AFAP1L1: variants seen among roughly 807,000 people sequenced by gnomAD.
AFAP1L1 encodes actin filament-associated protein 1-like 1.
In AFAP1L1, 77 loss-of-function variants were observed where a neutral mutation model predicts 99.8. The observed-to-expected ratio is 0.77, with a 90% CI of 0.64 to 0.93. The LOEUF (loss-of-function observed/expected upper bound fraction) is 0.93. Among genes scored for constraint, AFAP1L1 ranks in the 40% least tolerant of loss-of-function variants. The pLI is 0.00. For synonymous variants in AFAP1L1, 373 were observed against 395.3 expected, an observed-to-expected ratio of 0.94 and a Z score of 0.67; for missense variants, 893 against 996.8, an observed-to-expected ratio of 0.90 and a Z score of 1.40.
Position 149,302,496 on chromosome 5 carries a change from G to A in AFAP1L1, c.406G>A (p.Gly136Ser), listed in dbSNP as rs571245239. The A allele has an allele frequency of 3.7e-5, 59 of 1,589,966 alleles. No individual in the cohort carries two copies. The highest frequency in any genetic ancestry group is 3.3e-4 in the Middle Eastern group (2 of 6,032). The change falls in exon 5 of 19, where the codon GGC (glycine) becomes AGC (serine). Residue 136 changes from glycine to serine, a missense_variant. Coordinates refer to ENST00000296721, the MANE Select transcript of AFAP1L1 (RefSeq NM_152406.4). ...TGAAGAGGCCCTTCCTCTGGGACCC[G>A]GCAAGTCGCCTGAGTACATCAGCTC... ...YYEEALPLGP[G>S]KSPEYISSHN... is the part of the protein sequence containing the mutation.
chr5:149,286,092 T>G (rs1392692082), intron 1 of AFAP1L1, among the ~76,000 whole-genome samples: 2 of 152,148 alleles, frequency 1.3e-5, no homozygotes, highest in East Asian at 3.9e-4. Flanking sequence ...CCGGAGGAAG[T>G]GGCATCTAAA....
intron 1 of AFAP1L1, among the ~76,000 whole-genome samples, chr5:149,286,502 G>C (rs1755686964): frequency 6.6e-6 from 1 of 152,218 alleles, no homozygotes; most frequent in Non-Finnish European, 1.5e-5. Flanking sequence ...TGTGGCATCT[G>C]CTGATGATTT....
chr5:149,289,503 T>G (rs1755788664), intron 1 of AFAP1L1, among the ~76,000 whole-genome samples: 1 of 151,930 alleles, frequency 6.6e-6, no homozygotes, highest in South Asian at 2.1e-4. Flanking sequence ...GCATGTACAG[T>G]GGGCTTCCCT....
intron 1 of AFAP1L1, 28 bp downstream of exon 1, chr5:149,272,012 G>A (rs1303456387): frequency 8.9e-6 from 11 of 1,239,972 alleles, no homozygotes; most frequent in Non-Finnish European, 1.1e-5. Flanking sequence ...GCCCGCACTT[G>A]TTGCGGCGCC....
intron 1 of AFAP1L1, among the ~76,000 whole-genome samples, chr5:149,287,127 G>T (rs570010353): frequency 6.6e-6 from 1 of 152,230 alleles, no homozygotes; most frequent in East Asian, 1.9e-4. Context: ...GCATGTAACA[G>T]TCAAAATGAA....
intron 7 of AFAP1L1, among the ~76,000 whole-genome samples, chr5:149,308,882 G>GC (rs1388400651): frequency 5.3e-5 from 8 of 151,112 alleles, no homozygotes; most frequent in African/African-American, 1.9e-4. Context: ...ATCACTTGAA[G>GC]CTAGGAGTTC....
chr5:149,298,612 C>A (rs1417577609), intron 1 of AFAP1L1, among the ~76,000 whole-genome samples: 1 of 152,146 alleles, frequency 6.6e-6, no homozygotes, highest in Non-Finnish European at 1.5e-5. Context: ...TGTTATCATG[C>A]CTAAATGCTT....
chr5:149,285,234 A>C (rs2127590342), intron 1 of AFAP1L1, among the ~76,000 whole-genome samples: 1 of 152,268 alleles, frequency 6.6e-6, no homozygotes. Flanking sequence ...ACCTGGGCAG[A>C]TAGTCAGAGT....
chr5:149,333,425 T>C (rs190321089), intron 17 of AFAP1L1, among the ~76,000 whole-genome samples: 121 of 152,304 alleles, frequency 7.9e-4, no homozygotes, highest in African/African-American at 2.7e-3. Flanking sequence ...ACCCTGTCTC[T>C]ACAAAAAATA....
In AFAP1L1 at chr5:149,322,628, CAG is replaced by C. The variant is rs771497366; in HGVS notation, c.1722_1723del (p.Ala576ProfsTer11). 2 of 1,585,336 alleles carry C rather than the reference CAG, an allele frequency of 1.3e-6. No homozygotes were observed. Among genetic ancestry groups the C allele is most frequent in the South Asian group, 2.3e-5 (2 of 86,716 alleles). The stretch of plus-strand genomic sequence containing the variant: ...CAGGACGAGGAGCCCGAGCGCCCCA[CAG>C]GGGCCCAGGTGAAGCGTCACGCCTC... On this transcript the variant is annotated frameshift_variant, in exon 15 of 19. Transcript: ENST00000296721. LOFTEE classifies it high-confidence loss of function.
At chr5:149,336,227 T>C (rs953435434) in intron 18 of AFAP1L1, among the ~76,000 whole-genome samples, 1 of 152,236 alleles carries the variant, frequency 6.6e-6, no homozygotes, top group African/African-American at 2.4e-5. Flanking sequence ...AAAACCTCAA[T>C]ATGTCCTCAG....
chr5:149,319,747 G>T lies in AFAP1L1; in HGVS notation c.1625+20G>T, dbSNP rs1756900733. ...CTTCCTGTAAGTGTCAGCTGCACTG[G>T]CCACACCTGCCCAGGACCTTTCCTG... On this transcript the variant is annotated intron_variant, in intron 13 of 18. Transcript: ENST00000296721. The T allele has an allele frequency of 5.0e-6, 8 of 1,609,328 alleles. No individual in the cohort carries two copies. Among genetic ancestry groups the T allele is most frequent in the Non-Finnish European group, 5.1e-6 (6 of 1,178,912 alleles).
At chr5:149,292,104 C>T (rs146674404) in intron 1 of AFAP1L1, among the ~76,000 whole-genome samples, 24 of 152,302 alleles carry the variant, frequency 1.6e-4, no homozygotes, top group East Asian at 3.9e-4. Context: ...CATTTTTGTA[C>T]GCTCCAGAGT....
Position 149,317,767 on chromosome 5 carries a change from C to A in AFAP1L1, c.1306C>A (p.Arg436Ser). Residue 436 changes from arginine (R) to serine (S), a missense_variant, in exon 12 of 19, where the codon CGC becomes AGC. Transcript: ENST00000296721. ...NVLVNQGWKE[R>S]WCRLKCNTLY... Reference sequence around the variant, plus strand: ...GCTGGTGAACCAGGGCTGGAAGGAACGCTGGTGCCGCCTGAAGTGCAACAC... The same window carrying A: ...GCTGGTGAACCAGGGCTGGAAGGAAAGCTGGTGCCGCCTGAAGTGCAACAC... The A allele has an allele frequency of 1.9e-6, 3 of 1,614,066 alleles. No homozygotes were observed. Among genetic ancestry groups the A allele is most frequent in the Non-Finnish European group, 2.5e-6 (3 of 1,179,990 alleles).
chr5:149,317,987 TG>T, intron 12 of AFAP1L1, 47 bp downstream of exon 12: 1 of 1,534,760 alleles, frequency 6.5e-7, no homozygotes, highest in East Asian at 2.5e-5. Context: ...CTGGGGACTC[TG>T]GCCTGAGTGT....
chr5:149,331,178 T>G lies in AFAP1L1; in HGVS notation c.1975+1348T>G, dbSNP rs994521778. ...TGGGCTGGGTGCCGTGGTTCATGCCTGTAATCCTGGCACTTTGGGAAGCCG... is the reference window on the plus strand; with the variant it reads ...TGGGCTGGGTGCCGTGGTTCATGCCGGTAATCCTGGCACTTTGGGAAGCCG... On this transcript the variant is annotated intron_variant, in intron 16 of 18. Transcript: ENST00000296721. Among the ~76,000 whole-genome samples the G allele has an allele frequency of 2.0e-5, 3 of 152,164 alleles. No homozygotes were observed. In the South Asian group the frequency reaches 6.2e-4, roughly 31 times the overall value.
At chr5:149,306,460 C>T in intron 6 of AFAP1L1, 56 bp downstream of exon 6, 2 of 1,499,342 alleles carry the variant, frequency 1.3e-6, no homozygotes, top group Non-Finnish European at 1.8e-6. Flanking sequence ...TTGCAAAGAG[C>T]AGGCCTTGTC....
intron 15 of AFAP1L1, among the ~76,000 whole-genome samples, chr5:149,328,393 A>G (rs1199238015): frequency 2.6e-5 from 4 of 152,246 alleles, no homozygotes; most frequent in Non-Finnish European, 4.4e-5. Flanking sequence ...ATTGCACAGC[A>G]TGGACCCTGG....
chr5:149,285,625 C>T (rs912253899), intron 1 of AFAP1L1, among the ~76,000 whole-genome samples: 2 of 152,168 alleles, frequency 1.3e-5, no homozygotes, highest in African/African-American at 4.8e-5. Flanking sequence ...GACTATCCCA[C>T]CTGGGCTCCA....
Sources: gnomAD v4.1 joint callset for allele counts (sites outside exome capture counted in the v4.1 genomes callset) on GRCh38, gnomAD v4.1.1 for gene constraint, MANE v1.5 for transcripts, NCBI Gene and HGNC (gene_info 2026-07-23, HGNC 2026-07-21) for gene names.